Variants in ZFHX3 observed in about 807,000 individuals in gnomAD.
ZFHX3 encodes the protein zinc finger homeobox protein 3.
In ZFHX3, 42 loss-of-function variants were observed where a neutral mutation model predicts 279.1. The observed-to-expected ratio is 0.15, with a 90% CI of 0.12 to 0.19. The LOEUF (loss-of-function observed/expected upper bound fraction) is 0.19. Among genes scored for constraint, ZFHX3 ranks in the 10% least tolerant of loss-of-function variants. The pLI is 1.00. For missense variants in ZFHX3, 4,981 were observed against 4,754.0 expected (o/e 1.05, Z -1.40); for synonymous variants, 2,293 against 1,957.8 (o/e 1.17, Z -4.52).
At chr16:73,728,173 AAAG>A (rs1231667529) in intron 1 of ZFHX3, among the ~76,000 whole-genome samples, 1 of 152,074 alleles carries the variant, frequency 6.6e-6, no homozygotes, top group Non-Finnish European at 1.5e-5. Flanking sequence ...TCTTATAAGA[AAAG>A]GAGATTTGGA....
chr16:73,264,901 C>T (rs961124019), intron 4 of ZFHX3, among the ~76,000 whole-genome samples: 2 of 151,832 alleles, frequency 1.3e-5, no homozygotes, highest in African/African-American at 4.8e-5. Context: ...GCTGTGAATG[C>T]CATTAATTCA....
intron 5 of ZFHX3, among the ~76,000 whole-genome samples, chr16:73,162,233 C>T (rs1404951822): frequency 6.6e-6 from 1 of 152,210 alleles, no homozygotes; most frequent in Non-Finnish European, 1.5e-5. Flanking sequence ...ACCGCCTGAG[C>T]TCTGCCTCCT....
chr16:73,234,399 T>G (rs111726597), intron 5 of ZFHX3, among the ~76,000 whole-genome samples: 2 of 152,206 alleles, frequency 1.3e-5, no homozygotes, highest in African/African-American at 4.8e-5. Flanking sequence ...ATGTCCCCTG[T>G]CAGATCCTTT....
chr16:73,739,389 G>C (rs559504214), intron 1 of ZFHX3, among the ~76,000 whole-genome samples: 1 of 152,286 alleles, frequency 6.6e-6, no homozygotes, highest in East Asian at 1.9e-4. Context: ...TGCATTACGA[G>C]TTATTTAGCA....
At chr16:73,365,864 G>C (rs532158954) in intron 3 of ZFHX3, among the ~76,000 whole-genome samples, 1 of 152,148 alleles carries the variant, frequency 6.6e-6, no homozygotes, top group African/African-American at 2.4e-5. Flanking sequence ...TCCAGGCAAC[G>C]GAACCAGCAC....
At chr16:73,689,379 T>G (rs1012090889) in intron 1 of ZFHX3, among the ~76,000 whole-genome samples, 7 of 152,164 alleles carry the variant, frequency 4.6e-5, no homozygotes, top group African/African-American at 1.7e-4. Context: ...CTGGAGTCAT[T>G]GATTTTGCAT....
At chr16:72,844,887 G>A (rs570574107) in intron 4 of ZFHX3, among the ~76,000 whole-genome samples, 5 of 147,164 alleles carry the variant, frequency 3.4e-5, no homozygotes, top group African/African-American at 5.0e-5. Flanking sequence ...CCTCATTTCC[G>A]AGATGAATGA....
At chr16:73,429,823 C>T (rs940425563) in intron 3 of ZFHX3, among the ~76,000 whole-genome samples, 10 of 152,156 alleles carry the variant, frequency 6.6e-5, no homozygotes, top group Non-Finnish European at 1.5e-4. Context: ...CATCCTCGCT[C>T]CCCCACAGAT....
upstream of ZFHX3, among the ~76,000 whole-genome samples, chr16:73,049,201 CCT>C (rs1476548140): frequency 6.6e-6 from 1 of 152,202 alleles, no homozygotes; most frequent in Non-Finnish European, 1.5e-5. Flanking sequence ...CTCTGTCCTC[CCT>C]GTCAGAATCC....
chr16:72,804,684 G>A (rs1305957213), intron 7 of ZFHX3, among the ~76,000 whole-genome samples: 2 of 152,080 alleles, frequency 1.3e-5, no homozygotes, highest in East Asian at 1.9e-4. Flanking sequence ...TCTGAGATAC[G>A]GGACTAGTCT....
intron 7 of ZFHX3, chr16:73,125,320 T>C (rs1048632667): frequency 1.3e-5 from 2 of 151,414 alleles, no homozygotes; most frequent in South Asian, 2.1e-4. Flanking sequence ...GAACCTACTA[T>C]GTGCAGGTAC....
intron 1 of ZFHX3, among the ~76,000 whole-genome samples, chr16:73,695,253 T>TG (rs976836314): frequency 4.6e-5 from 7 of 151,602 alleles, no homozygotes; most frequent in African/African-American, 1.7e-4. Context: ...TTTTTTTTTT[T>TG]TGAGATGGGG....
intron 1 of ZFHX3, among the ~76,000 whole-genome samples, chr16:73,757,351 G>A (rs1421295944): frequency 6.6e-6 from 1 of 152,140 alleles, no homozygotes; most frequent in Non-Finnish European, 1.5e-5. Flanking sequence ...TAGGAATAAG[G>A]ATCCCTTCGG....
chr16:73,749,357 C>G (rs2053736750), intron 1 of ZFHX3, among the ~76,000 whole-genome samples: 1 of 149,886 alleles, frequency 6.7e-6, no homozygotes, highest in Non-Finnish European at 1.5e-5. Context: ...CCACCACCAC[C>G]ACCACTTCCA....
rs2144431056 is a variant in ZFHX3, at chr16:72,957,349, G to A, written c.2719+78C>T. ...AAGACCAGAGTCAACTGAATCCACA[G>A]GACTATCTCACCCTATTCACCATTC... On this transcript the variant is annotated intron_variant, in intron 2 of 9. Coordinates refer to ENST00000268489, the MANE Select transcript of ZFHX3 (RefSeq NM_006885.4). 6.0e-6 allele frequency: 9 copies of A among 1,490,378 alleles called. No individual in the cohort carries two copies. The South Asian group carries it at 1.1e-4, about 18-fold the overall frequency. The allele number at this position is 1,490,378 out of a possible 1,614,324, so 92.3% of individuals were successfully genotyped here. A position where few individuals can be genotyped will look rare whatever the true frequency, so the allele number is the denominator to read the frequency against.
chr16:73,758,452 T>C, intron 1 of ZFHX3, among the ~76,000 whole-genome samples: 1 of 152,150 alleles, frequency 6.6e-6, no homozygotes, highest in Non-Finnish European at 1.5e-5. Context: ...AACCCAGGCT[T>C]TAATTGTTTA....
intron 3 of ZFHX3, among the ~76,000 whole-genome samples, chr16:73,325,514 T>C (rs11864747): frequency 0.41 from 62,744 of 151,950 alleles, 14,124 homozygotes; most frequent in Non-Finnish European, 0.52. Flanking sequence ...ACATGGATCA[T>C]ATCCATTCTT....
At chr16:73,823,835 G>C (rs148700101) in intron 1 of ZFHX3, among the ~76,000 whole-genome samples, 112 of 152,304 alleles carry the variant, frequency 7.4e-4, no homozygotes, top group African/African-American at 2.6e-3. Flanking sequence ...ACACCTGCAA[G>C]AAACAAACTT....
intron 1 of ZFHX3, among the ~76,000 whole-genome samples, chr16:73,769,045 C>A (rs1429783851): frequency 6.6e-6 from 1 of 152,062 alleles, no homozygotes; most frequent in African/African-American, 2.4e-5. Flanking sequence ...AAAAATGATT[C>A]ATTGTTTATC....
Sources: gnomAD v4.1 joint callset for allele counts (sites outside exome capture counted in the v4.1 genomes callset) on GRCh38, gnomAD v4.1.1 for gene constraint, MANE v1.5 for transcripts, NCBI Gene and HGNC (gene_info 2026-07-23, HGNC 2026-07-21) for gene names.